Variants in UBE2D1 observed in about 807,000 individuals in gnomAD.
UBE2D1 encodes the protein ubiquitin conjugating enzyme E2 D1.
A neutral mutation model predicts 24.6 loss-of-function variants in UBE2D1; 9 were observed. The ratio of observed to expected loss-of-function variants is 0.37; its 90% CI spans 0.22 to 0.64. UBE2D1 has a LOEUF of 0.64. UBE2D1 is among the 30% of genes least tolerant of loss of function. UBE2D1 has a pLI of 0.64. For synonymous variants in UBE2D1, 57 were observed against 57.6 expected (o/e 0.99, Z 0.04); for missense variants, 87 against 177.1 (o/e 0.49, Z 2.89).
chr10:58,337,871 G>T (rs951878094), intron 1 of UBE2D1, among the ~76,000 whole-genome samples: 5 of 151,870 alleles, frequency 3.3e-5, no homozygotes, highest in African/African-American at 1.2e-4. Context: ...TTTTGAGATG[G>T]AGTCTTGCTA....
chr10:58,351,645 T>C (rs969353959), intron 1 of UBE2D1, among the ~76,000 whole-genome samples: 33 of 152,360 alleles, frequency 2.2e-4, no homozygotes, highest in African/African-American at 6.7e-4. Context: ...GTTCTTTTTT[T>C]ATTTTATAAG....
At chr10:58,358,276 T>C (rs1840155093) in intron 1 of UBE2D1, among the ~76,000 whole-genome samples, 1 of 152,202 alleles carries the variant, frequency 6.6e-6, no homozygotes, top group Admixed American at 6.5e-5. Flanking sequence ...TCTGATTAAC[T>C]AGTTTGCTAG....
At position 58,348,698 on chromosome 10, in the gene UBE2D1, A is replaced by AT. The variant is rs553024603; in HGVS notation, c.25-12634dup. On this transcript the variant is annotated intron_variant, in intron 1 of 6. Transcript: ENST00000373910. ...AAGCATTTTTAGTCTGGTCAGCGTA[A>AT]TTTTTTAGGGAATATTTACTGCATT... Among the ~76,000 whole-genome samples the AT allele has an allele frequency of 1.3e-3, 204 of 152,222 alleles. 1 individual carries two copies. Among genetic ancestry groups the AT allele is most frequent in the African/African-American group, 4.6e-3 (193 of 41,550 alleles).
intron 3 of UBE2D1, 68 bp from the exon 4 acceptor site, chr10:58,363,541 G>T: frequency 1.8e-6 from 2 of 1,113,846 alleles, no homozygotes; most frequent in Non-Finnish European, 2.6e-6. Flanking sequence ...AATATTTGGG[G>T]GAAATAATTT....
At chr10:58,361,627 T>C (rs1486452939) in intron 3 of UBE2D1, 101 bp downstream of exon 3, 11 of 1,523,214 alleles carry the variant, frequency 7.2e-6, no homozygotes, top group African/African-American at 1.4e-5. Flanking sequence ...TGAATATTCT[T>C]GTACTTTGAA....
At chr10:58,343,261 A>G (rs1314288826) in intron 1 of UBE2D1, among the ~76,000 whole-genome samples, 2 of 152,082 alleles carry the variant, frequency 1.3e-5, no homozygotes, top group African/African-American at 4.8e-5. Context: ...CCTTCCCAGT[A>G]TCTTTTTTTT....
intron 5 of UBE2D1, among the ~76,000 whole-genome samples, chr10:58,366,053 A>G (rs776938218): frequency 1.7e-4 from 26 of 152,186 alleles, no homozygotes; most frequent in Non-Finnish European, 3.5e-4. Context: ...TCTTTCACAC[A>G]GTGTAACTGT....
intron 1 of UBE2D1, among the ~76,000 whole-genome samples, chr10:58,357,091 G>A (rs1361258298): frequency 1.3e-5 from 2 of 151,978 alleles, no homozygotes; most frequent in African/African-American, 4.8e-5. Flanking sequence ...TTCTCAAGAG[G>A]GACTTCTATT....
chr10:58,359,863 C>T (rs150518867), intron 1 of UBE2D1, among the ~76,000 whole-genome samples: 41 of 152,318 alleles, frequency 2.7e-4, no homozygotes, highest in African/African-American at 9.4e-4. Context: ...ACATGTAATT[C>T]ATCAACTCCT....
intron 1 of UBE2D1, among the ~76,000 whole-genome samples, chr10:58,358,881 C>T (rs189009715): frequency 1.3e-5 from 2 of 151,794 alleles, no homozygotes; most frequent in Middle Eastern, 3.4e-3. Context: ...CTGCCTCAGC[C>T]TCCCAAGTAA....
chr10:58,364,619 A>T (rs906219246), intron 4 of UBE2D1, 152 bp from the exon 5 acceptor site: 1 of 603,810 alleles, frequency 1.7e-6, no homozygotes, highest in African/African-American at 1.9e-5. Context: ...GTGTAGCACA[A>T]AGTAGATAAT....
At position 58,335,129 on chromosome 10, in the gene UBE2D1, C is replaced by A; in HGVS notation, c.-73C>A. 3 of 1,499,334 alleles carry A rather than the reference C, an allele frequency of 2.0e-6. No individual in the cohort carries two copies. The allele number at this position is 1,499,334 out of a possible 1,614,324, so 92.9% of individuals were successfully genotyped here. On this transcript the variant is annotated 5_prime_UTR_variant, in exon 1 of 7. Transcript: ENST00000373910. Reference sequence around the variant, plus strand: ...CAGCCTAGCTGCCAGCGAGCCCAACCCGCGACGACCCACGCCCCTGAGCCC... The same window carrying A: ...CAGCCTAGCTGCCAGCGAGCCCAACACGCGACGACCCACGCCCCTGAGCCC...
intron 1 of UBE2D1, among the ~76,000 whole-genome samples, chr10:58,348,083 A>G (rs1840035207): frequency 6.6e-6 from 1 of 152,200 alleles, no homozygotes; most frequent in African/African-American, 2.4e-5. Flanking sequence ...AGCTTTTGCC[A>G]GAGAGACTTG....
rs1404500847 is a variant in UBE2D1, at chr10:58,368,851, GT to G, written c.*89del. On this transcript the variant is annotated 3_prime_UTR_variant, in exon 7 of 7. Coordinates refer to ENST00000373910, the MANE Select transcript of UBE2D1 (RefSeq NM_003338.5). Reference sequence around the variant, plus strand: ...AGCAGTAAATTGAGCACTGTTTACTGTTTCATTGTACCATGAAACCATTTGA... The same window carrying G: ...AGCAGTAAATTGAGCACTGTTTACTGTTCATTGTACCATGAAACCATTTGA... 1.2e-6 allele frequency: 1 copy of G among 857,204 alleles called. No homozygotes were observed. Among genetic ancestry groups the G allele is most frequent in the Non-Finnish European group, 1.8e-6 (1 of 571,060 alleles). 53.1% of individuals were successfully genotyped at this position (857,204 alleles called of 1,614,324 possible).
intron 1 of UBE2D1, among the ~76,000 whole-genome samples, chr10:58,356,944 A>G (rs1840137526): frequency 6.6e-6 from 1 of 152,184 alleles, no homozygotes; most frequent in African/African-American, 2.4e-5. Context: ...ATGGCCATGA[A>G]GAGTTCTTGG....
At chr10:58,343,732 GAAT>G (rs1165413361) in intron 1 of UBE2D1, among the ~76,000 whole-genome samples, 1 of 152,066 alleles carries the variant, frequency 6.6e-6, no homozygotes, top group Non-Finnish European at 1.5e-5. Flanking sequence ...TAATATTCAA[GAAT>G]AATACTGGAT....
rs558051759 is a variant in UBE2D1 at position 58,370,679 on chromosome 10, C to T, written c.*1914C>T. Reference sequence around the variant, plus strand: ...CACTTTAAACAAAAAAAAAAAACAACTTTCATTTGTGTGGCATTTATTTTT... The same window carrying T: ...CACTTTAAACAAAAAAAAAAAACAATTTTCATTTGTGTGGCATTTATTTTT... On this transcript the variant is annotated 3_prime_UTR_variant, in exon 7 of 7. Transcript: ENST00000373910. The T allele has an allele frequency of 1.1e-3, 162 of 147,736 alleles. No homozygotes were observed. The highest frequency in any genetic ancestry group is 1.8e-3 in the Non-Finnish European group (123 of 66,768). 9.2% of individuals were successfully genotyped at this position (147,736 alleles called of 1,614,324 possible).
At chr10:58,337,647 A>C (rs140237125) in intron 1 of UBE2D1, among the ~76,000 whole-genome samples, 119 of 152,186 alleles carry the variant, frequency 7.8e-4, no homozygotes, top group African/African-American at 2.8e-3. Flanking sequence ...GGGTACAAGC[A>C]GGGGAACAGC....
At chr10:58,360,942 C>T (rs913507753) in intron 1 of UBE2D1, 19 of 454,830 alleles carry the variant, frequency 4.2e-5, no homozygotes, top group Non-Finnish European at 8.4e-5. Flanking sequence ...AAAAAGTTAT[C>T]CTGAAGTATT....
Sources: allele counts gnomAD v4.1 joint callset (sites outside exome capture counted in the v4.1 genomes callset), GRCh38; gene constraint gnomAD v4.1.1; transcripts MANE v1.5; gene names NCBI Gene and HGNC (gene_info 2026-07-23, HGNC 2026-07-21).